The following DNAH2 variants were observed in gnomAD, a reference collection of about 807,000 sequenced individuals.
DNAH2 encodes the protein axonemal beta dynein heavy chain 2.
A neutral mutation model predicts 523.5 loss-of-function variants in DNAH2; 323 were observed. The ratio of observed to expected loss-of-function variants is 0.62; its 90% confidence interval spans 0.56 to 0.68. DNAH2 has a LOEUF of 0.68. Ranked by LOEUF, DNAH2 falls within the 30% of genes least tolerant of loss-of-function variation. DNAH2 has a pLI of 0.00. For missense variants in DNAH2, 4,907 were observed against 5,701.5 expected, an observed-to-expected ratio of 0.86 and a Z score of 4.49; for synonymous variants, 2,093 against 2,177.4, an observed-to-expected ratio of 0.96 and a Z score of 1.08.
At chr17:7,778,547 G>A (rs1285845144) in intron 35 of DNAH2, 78 bp downstream of exon 35, 1 of 1,370,518 alleles carries the variant, frequency 7.3e-7, no homozygotes, top group Non-Finnish European at 9.8e-7. Flanking sequence ...ACCCAAATCT[G>A]GTTCAGTGCT....
In DNAH2 at chr17:7,754,562, CA is replaced by C. The variant is rs1234785198; in HGVS notation, c.1905-2527del. ...AGAAGGGCCTAAAGAAGATGCACAC[CA>C]ACAATGCCAAGGCCATGAGTCCACG... On this transcript the variant is annotated intron_variant, in intron 12 of 85. Coordinates refer to ENST00000572933, the MANE Select transcript of DNAH2 (RefSeq NM_020877.5). The surrounding 1 kb of genome is among the most constrained non-coding windows in gnomAD (Gnocchi z 4.6). 4.9e-6 allele frequency: 7 copies of C among 1,425,682 alleles called. No individual in the cohort carries two copies. In the Admixed American group the frequency reaches 1.2e-4, roughly 25 times the overall value. The allele number at this position is 1,425,682 out of a possible 1,614,324, so 88.3% of individuals were successfully genotyped here.
chr17:7,793,431 C>CTTTT (rs1296926937), intron 48 of DNAH2, among the ~76,000 whole-genome samples: 1 of 80,158 alleles, frequency 1.2e-5, no homozygotes, highest in African/African-American at 3.5e-5. Context: ...TGCCTGCTTG[C>CTTTT]TTTTTCTTTC....
chr17:7,745,249 C>T (rs2075482441), intron 12 of DNAH2, among the ~76,000 whole-genome samples: 1 of 152,118 alleles, frequency 6.6e-6, no homozygotes, highest in Non-Finnish European at 1.5e-5. Flanking sequence ...GCCACCTCGG[C>T]CTCCCAAAGT....
In DNAH2 at chr17:7,760,677, G is replaced by T. The variant is rs2151198041; in HGVS notation, c.2786-63G>T. The T allele has an allele frequency of 3.3e-6, 5 of 1,531,644 alleles. No homozygotes were observed. Among genetic ancestry groups the T allele is most frequent in the Non-Finnish European group, 4.4e-6 (5 of 1,128,332 alleles). 94.9% of individuals were successfully genotyped at this position (1,531,644 alleles called of 1,614,324 possible). A position where few individuals can be genotyped will look rare whatever the true frequency, so the allele number is the denominator to read the frequency against. ...TGGAAGGTCTGGAGCAGTGGGCAGG[G>T]CTCAGGCAGAAGTTGGGTTGGGGTG... On this transcript the variant is annotated intron_variant, in intron 17 of 85. Transcript: ENST00000572933. The surrounding 1 kb of genome is among the most constrained non-coding windows in gnomAD (Gnocchi z 4.0).
intron 72 of DNAH2, among the ~76,000 whole-genome samples, chr17:7,819,997 A>G (rs899948282): frequency 6.6e-6 from 1 of 152,014 alleles, no homozygotes; most frequent in African/African-American, 2.4e-5. Flanking sequence ...TTTGTACAGA[A>G]AGGGTCTCCC....
At position 7,805,207 on chromosome 17, in the gene DNAH2, C is replaced by A. The variant is rs763282952; in HGVS notation, c.9301-45C>A. On this transcript the variant is annotated intron_variant, in intron 60 of 85. Transcript: ENST00000572933. ...GTGGCACCTCAGCTAGGTTCTGTCTCCAGAAGGTCCTGTCTTACCCTCACT... is the reference window on the plus strand; with the variant it reads ...GTGGCACCTCAGCTAGGTTCTGTCTACAGAAGGTCCTGTCTTACCCTCACT... 9.6e-4 allele frequency: 1,551 copies of A among 1,608,406 alleles called. 2 individuals are homozygous for A. The highest frequency in any genetic ancestry group is 1.4e-3 in the Admixed American group (82 of 59,554).
rs143386308 is a variant in DNAH2 at position 7,819,223 on chromosome 17, C to T, written c.10830C>T (p.Cys3610=). Residue 3610 remains cysteine (C), a synonymous_variant, in exon 72 of 86, where the codon TGC becomes TGT. Transcript: ENST00000572933. The part of the protein sequence containing the change: ...TDLAREAYRP[C]AQRASILFFV... ...CCCACCGGCAGGCTTACCGCCCATG[C>T]GCCCAGCGGGCATCAATCCTGTTCT... 4.0e-5 allele frequency: 64 copies of T among 1,613,648 alleles called. No homozygotes were observed. The highest frequency in any genetic ancestry group is 5.2e-5 in the Non-Finnish European group (61 of 1,180,058).
chr17:7,809,042 G>C (rs921804277), intron 63 of DNAH2, among the ~76,000 whole-genome samples: 3 of 152,158 alleles, frequency 2.0e-5, no homozygotes, highest in Non-Finnish European at 4.4e-5. Context: ...TTATTTAACT[G>C]TTCCCCATTT....
rs751270123 is a variant in DNAH2 at position 7,770,717 on chromosome 17, G to A, written c.4182-36G>A. The A allele has an allele frequency of 1.9e-6, 3 of 1,613,874 alleles. No homozygotes were observed. The East Asian group carries it at 6.7e-5, about 36-fold the overall frequency. On this transcript the variant is annotated intron_variant, in intron 26 of 85. Coordinates refer to ENST00000572933, the MANE Select transcript of DNAH2 (RefSeq NM_020877.5). ...AGAGTGGGACCAAGGTTGGGCAGGTGGGGATGAACTATGATTTTGACCCCT... is the reference window on the plus strand; with the variant it reads ...AGAGTGGGACCAAGGTTGGGCAGGTAGGGATGAACTATGATTTTGACCCCT...
intron 28 of DNAH2, 125 bp from the exon 29 acceptor site, chr17:7,774,634 A>T: frequency 1.3e-6 from 1 of 774,950 alleles, no homozygotes; most frequent in Non-Finnish European, 2.1e-6. Flanking sequence ...CTCTGCGTCC[A>T]GAAACCCTCA....
At chr17:7,724,217 A>C (rs1009792820) in intron 3 of DNAH2, among the ~76,000 whole-genome samples, 1 of 152,178 alleles carries the variant, frequency 6.6e-6, no homozygotes, top group African/African-American at 2.4e-5. Flanking sequence ...TTTTTCAAAA[A>C]GGGAAAGAAA....
At chr17:7,748,761 G>A (rs537208145) in intron 12 of DNAH2, among the ~76,000 whole-genome samples, 14 of 150,980 alleles carry the variant, frequency 9.3e-5, no homozygotes, top group South Asian at 2.1e-4. Context: ...CTCCCAAAGC[G>A]TTGGGATTAC....
At position 7,830,385 on chromosome 17, in the gene DNAH2, A is replaced by T; in HGVS notation, c.11939A>T (p.Lys3980Met). The change falls in exon 78 of 86, where the codon AAG (lysine) becomes ATG (methionine). Residue 3980 changes from lysine to methionine, a missense_variant. By Grantham distance (95) the Lys-to-Met change is moderately conservative. Coordinates refer to ENST00000572933, the MANE Select transcript of DNAH2 (RefSeq NM_020877.5). ...SRCSKPAKYK[K>M]LLFSLCFFHS... Reference sequence around the variant, plus strand: ...TGCTCCAAACCTGCCAAATATAAGAAGCTGCTGTTTTCACTCTGTTTCTTC... The same window carrying T: ...TGCTCCAAACCTGCCAAATATAAGATGCTGCTGTTTTCACTCTGTTTCTTC... 1 of 1,614,258 alleles carries T rather than the reference A, an allele frequency of 6.2e-7. No homozygotes were observed. Among genetic ancestry groups the T allele is most frequent in the Non-Finnish European group, 8.5e-7 (1 of 1,180,050 alleles).
At position 7,798,504 on chromosome 17, in the gene DNAH2, A is replaced by G. The variant is rs1230280788; in HGVS notation, c.8399-54A>G. Reference sequence around the variant, plus strand: ...TTCCTAAATCTCAGAAAAGGAATCAAGCCCAGGATGGGGAATCTGCAGTGA... The same window carrying G: ...TTCCTAAATCTCAGAAAAGGAATCAGGCCCAGGATGGGGAATCTGCAGTGA... On this transcript the variant is annotated intron_variant, in intron 54 of 85. Coordinates refer to ENST00000572933, the MANE Select transcript of DNAH2 (RefSeq NM_020877.5). The surrounding 1 kb of genome is among the most constrained non-coding windows in gnomAD (Gnocchi z 5.5). 6.2e-7 allele frequency: 1 copy of G among 1,603,882 alleles called. No homozygotes were observed. Among genetic ancestry groups the G allele is most frequent in the Non-Finnish European group, 8.5e-7 (1 of 1,174,980 alleles).
rs545564674 is a variant in DNAH2, at chr17:7,760,285, C to T, written c.2785+347C>T. ...CAGGAGGCTGAGGCAAAGAATCACC[C>T]CGGAGGCGGAGGTTGCAGTGAGCGG... On this transcript the variant is annotated intron_variant, in intron 17 of 85. Transcript: ENST00000572933. The surrounding 1 kb of genome is among the most constrained non-coding windows in gnomAD (Gnocchi z 4.0). 1.2e-4 allele frequency among the ~76,000 whole-genome samples: 18 copies of T among 152,124 alleles called. No individual in the cohort carries two copies. Among genetic ancestry groups the T allele is most frequent in the African/African-American group, 4.3e-4 (18 of 41,510 alleles).
Position 7,831,901 on chromosome 17 carries a change from T to A in DNAH2, c.12726+126T>A. The stretch of plus-strand genomic sequence containing the variant: ...AGAGAGCCGAAACTTTGAAGTTAGA[T>A]AGGTTCAAGGTTAAAACCTGGCTCT... On this transcript the variant is annotated intron_variant, in intron 82 of 85. Coordinates refer to ENST00000572933, the MANE Select transcript of DNAH2 (RefSeq NM_020877.5). The surrounding 1 kb of genome is among the most constrained non-coding windows in gnomAD (Gnocchi z 4.2). 1 of 784,590 alleles carries A rather than the reference T, an allele frequency of 1.3e-6. No homozygotes were observed. Among genetic ancestry groups the A allele is most frequent in the Non-Finnish European group, 2.0e-6 (1 of 500,316 alleles). 48.6% of individuals were successfully genotyped at this position (784,590 alleles called of 1,614,324 possible). A position where few individuals can be genotyped will look rare whatever the true frequency, so the allele number is the denominator to read the frequency against.
At chr17:7,792,520 G>A (rs1049291691) in intron 46 of DNAH2, 137 bp from the exon 47 acceptor site, 2 of 968,162 alleles carry the variant, frequency 2.1e-6, no homozygotes, top group Admixed American at 4.3e-5. Flanking sequence ...CAGGGTCTCT[G>A]AGGGGAGCAC....
At chr17:7,725,994 CT>C (rs1417508692) in intron 3 of DNAH2, among the ~76,000 whole-genome samples, 1 of 151,774 alleles carries the variant, frequency 6.6e-6, no homozygotes, top group Non-Finnish European at 1.5e-5. Context: ...TTCTGATTTC[CT>C]TTATTTATTT....
chr17:7,787,257 C>T (rs1311334180), intron 42 of DNAH2: 1 of 623,226 alleles, frequency 1.6e-6, no homozygotes, highest in Non-Finnish European at 2.7e-6. Context: ...GTTGTAAGCA[C>T]TGTGTAGGCT....
Sources: gnomAD v4.1 joint callset for allele counts (sites outside exome capture counted in the v4.1 genomes callset) on GRCh38, gnomAD v4.1.1 for gene constraint, Gnocchi (gnomAD v3.1) non-coding constraint, MANE v1.5 for transcripts, NCBI Gene and HGNC (gene_info 2026-07-23, HGNC 2026-07-21) for gene names.